Variants in CSMD1 observed in about 807,000 individuals in gnomAD.
CSMD1 encodes the protein CUB and sushi domain-containing protein 1.
In CSMD1, 213 loss-of-function variants were observed where a neutral mutation model predicts 417.5. That is an observed-to-expected ratio of 0.51 (90% confidence interval 0.46 to 0.57). The LOEUF is 0.57. CSMD1 is among the 20% of genes least tolerant of loss of function. CSMD1 has a pLI of 0.00. For missense variants in CSMD1, 6,923 were observed against 4,529.7 expected (o/e 1.53, Z -15.17); for synonymous variants, 2,862 against 1,736.8 (o/e 1.65, Z -16.11).
At chr8:3,613,346 A>C (rs1028328824) in intron 8 of CSMD1, 3 of 398,574 alleles carry the variant, frequency 7.5e-6, no homozygotes, top group African/African-American at 6.4e-5. Flanking sequence ...GCAATGAAAT[A>C]TTAACAATTA....
chr8:3,067,430 T>C (rs1368412829), intron 49 of CSMD1, among the ~76,000 whole-genome samples: 3 of 152,064 alleles, frequency 2.0e-5, no homozygotes, highest in African/African-American at 7.2e-5. Context: ...GAGATTATAT[T>C]GGTTTACTGA....
chr8:4,574,676 C>T (rs915995809), intron 2 of CSMD1, among the ~76,000 whole-genome samples: 4 of 152,166 alleles, frequency 2.6e-5, no homozygotes, highest in Admixed American at 2.6e-4. Context: ...TAGCTATACG[C>T]TCTCTTCCAG....
At chr8:4,427,761 TAG>T (rs1797646896) in intron 2 of CSMD1, among the ~76,000 whole-genome samples, 1 of 152,198 alleles carries the variant, frequency 6.6e-6, no homozygotes, top group African/African-American at 2.4e-5. Context: ...AATCTCTCAA[TAG>T]AAACTTCAAT....
intron 2 of CSMD1, among the ~76,000 whole-genome samples, chr8:4,623,585 A>C (rs1361317196): frequency 2.0e-5 from 3 of 152,052 alleles, no homozygotes; most frequent in African/African-American, 7.2e-5. Flanking sequence ...GGGGGGAACA[A>C]ATGTCTATTA....
At chr8:3,491,065 T>C (rs1009557989) in intron 11 of CSMD1, among the ~76,000 whole-genome samples, 17 of 152,262 alleles carry the variant, frequency 1.1e-4, no homozygotes, top group Non-Finnish European at 1.5e-4. Context: ...CCTGAAGGTA[T>C]AGCAAAAAAG....
chr8:4,449,675 T>C (rs1154070), intron 2 of CSMD1, among the ~76,000 whole-genome samples: 106,234 of 151,912 alleles, frequency 0.7, 37,640 homozygotes, highest in African/African-American at 0.81. Flanking sequence ...CTGAGAGGAA[T>C]GGGATGGGAA....
At chr8:4,001,833 T>C (rs145675136) in intron 4 of CSMD1, among the ~76,000 whole-genome samples, 4 of 150,352 alleles carry the variant, frequency 2.7e-5, no homozygotes, top group South Asian at 2.1e-4. Context: ...GTAGATGACA[T>C]AAAGAAGGCA....
intron 23 of CSMD1, among the ~76,000 whole-genome samples, chr8:3,342,729 C>A (rs1454826693): frequency 1.3e-5 from 2 of 152,098 alleles, no homozygotes; most frequent in Admixed American, 1.3e-4. Flanking sequence ...AATCCTGGCT[C>A]CACCAACTCT....
intron 3 of CSMD1, among the ~76,000 whole-genome samples, chr8:4,363,465 C>T (rs1228075705): frequency 1.3e-5 from 2 of 152,148 alleles, no homozygotes; most frequent in African/African-American, 2.4e-5. Context: ...GCTCTATCTT[C>T]CCCACCACCC....
chr8:3,992,104 A>G (rs546032708), intron 5 of CSMD1, among the ~76,000 whole-genome samples: 1 of 92,452 alleles, frequency 1.1e-5, no homozygotes, highest in African/African-American at 3.1e-5. Context: ...GTATCAAGAA[A>G]AGGAGAAATG....
chr8:3,298,140 G>C (rs565987746), intron 25 of CSMD1, among the ~76,000 whole-genome samples: 2 of 152,148 alleles, frequency 1.3e-5, no homozygotes, highest in Non-Finnish European at 2.9e-5. Flanking sequence ...CCCTCTCAGG[G>C]AGTGAGGGTA....
chr8:3,238,138 C>G (rs539351297), intron 26 of CSMD1, among the ~76,000 whole-genome samples: 2 of 150,846 alleles, frequency 1.3e-5, no homozygotes, highest in Admixed American at 6.6e-5. Flanking sequence ...GATTTGGGTA[C>G]GTAAAGGAAA....
intron 5 of CSMD1, among the ~76,000 whole-genome samples, chr8:3,755,831 G>C (rs1346071569): frequency 6.6e-6 from 1 of 152,068 alleles, no homozygotes; most frequent in African/African-American, 2.4e-5. Flanking sequence ...GAAGTACACT[G>C]CTCAGATTTG....
At chr8:3,251,864 T>C (rs1322070818) in intron 26 of CSMD1, among the ~76,000 whole-genome samples, 1 of 152,218 alleles carries the variant, frequency 6.6e-6, no homozygotes, top group East Asian at 1.9e-4. Flanking sequence ...GGCTCTTTCT[T>C]TGTCTGTTGT....
chr8:3,653,528 C>T (rs185498302), intron 7 of CSMD1, among the ~76,000 whole-genome samples: 21 of 152,236 alleles, frequency 1.4e-4, no homozygotes, highest in African/African-American at 4.8e-4. Flanking sequence ...AAGCTGGTCT[C>T]GAACTCCTGA....
chr8:4,805,962 A>C (rs1196289940), intron 1 of CSMD1, among the ~76,000 whole-genome samples: 2 of 152,256 alleles, frequency 1.3e-5, no homozygotes, highest in East Asian at 3.9e-4. Flanking sequence ...ACGATTTTTT[A>C]ATTACCAAGG....
intron 8 of CSMD1, among the ~76,000 whole-genome samples, chr8:3,604,393 G>C (rs965342716): frequency 1.3e-5 from 2 of 152,062 alleles, no homozygotes; most frequent in East Asian, 3.9e-4. Flanking sequence ...TTAAGATCTG[G>C]ATTTTCTCTG....
intron 1 of CSMD1, among the ~76,000 whole-genome samples, chr8:4,954,999 G>A (rs999022660): frequency 1.3e-5 from 2 of 152,054 alleles, no homozygotes; most frequent in Non-Finnish European, 2.9e-5. Context: ...GGTTTTCAAT[G>A]TTCTTTCTTA....
chr8:4,197,864 G>A (rs1030715311), intron 3 of CSMD1, among the ~76,000 whole-genome samples: 1 of 152,140 alleles, frequency 6.6e-6, no homozygotes, highest in African/African-American at 2.4e-5. Flanking sequence ...GGGCAACAGA[G>A]TAAGACTCCA....
Sources: gnomAD v4.1 joint callset for allele counts (sites outside exome capture counted in the v4.1 genomes callset) on GRCh38, gnomAD v4.1.1 for gene constraint, MANE v1.5 for transcripts, NCBI Gene and HGNC (gene_info 2026-07-23, HGNC 2026-07-21) for gene names.